TTLL12: variants seen among roughly 807,000 people sequenced by gnomAD.
The protein encoded by TTLL12 is tubulin tyrosine ligase like 12.
Under a neutral mutation model 79.6 loss-of-function variants are expected in TTLL12, and 77 were observed. That is an observed-to-expected ratio of 0.97 (90% CI 0.81 to 1.17). The LOEUF (loss-of-function observed/expected upper bound fraction) is 1.17. Among genes scored for constraint, TTLL12 ranks in the 50% most tolerant of loss-of-function variants. The probability of loss-of-function intolerance (pLI) is 0.00; values close to 1 mark genes in which losing one functional copy is unlikely to be tolerated. For missense variants in TTLL12, 969 were observed against 895.9 expected (o/e 1.08, Z -1.04); for synonymous variants, 437 against 376.1 (o/e 1.16, Z -1.87).
intron 9 of TTLL12, among the ~76,000 whole-genome samples, chr22:43,173,352 C>T (rs1931814053): frequency 6.6e-6 from 1 of 152,150 alleles, no homozygotes; most frequent in Non-Finnish European, 1.5e-5. Flanking sequence ...GCTCTGTCGC[C>T]CAGGGCGGAG....
chr22:43,178,211 C>CA (rs1931962041), intron 5 of TTLL12, among the ~76,000 whole-genome samples: 1 of 152,124 alleles, frequency 6.6e-6, no homozygotes, highest in Non-Finnish European at 1.5e-5. Flanking sequence ...ATGGTTGGTT[C>CA]AATCACCACT....
intron 8 of TTLL12, 126 bp downstream of exon 8, chr22:43,174,083 G>C: frequency 7.6e-7 from 1 of 1,309,496 alleles, no homozygotes; most frequent in Non-Finnish European, 1.0e-6. Context: ...CGTGACGTTC[G>C]GGGCCCACAG....
intron 11 of TTLL12, 98 bp downstream of exon 11, chr22:43,171,721 C>T (rs569577013): frequency 1.0e-6 from 1 of 984,320 alleles, no homozygotes; most frequent in Non-Finnish European, 1.6e-6. Flanking sequence ...TGGGACTGGC[C>T]TGTGTGCCAG....
intron 8 of TTLL12, 98 bp downstream of exon 8, chr22:43,174,111 G>A (rs1427167796): frequency 1.7e-5 from 24 of 1,452,638 alleles, no homozygotes; most frequent in East Asian, 1.4e-4. Context: ...CCTGCACCAC[G>A]GTTTCCACAG....
chr22:43,176,391 A>T lies in TTLL12; in HGVS notation c.846T>A (p.Ile282=), dbSNP rs1315519490. 6.2e-7 allele frequency: 1 copy of T among 1,604,886 alleles called. No homozygotes were observed. Among genetic ancestry groups the T allele is most frequent in the Non-Finnish European group, 8.5e-7 (1 of 1,176,802 alleles). ...GCAGCTTCTCCTTGTTTTCCTCCAG[A>T]ATGGCCTAAAAGGAAACACACCGGA... ...PEPPAEHYQA[I]LEENKEKLPL... Residue 282 remains isoleucine (I), a synonymous_variant, in exon 6 of 14, where the codon ATT becomes ATA. Transcript: ENST00000216129.
chr22:43,177,232 G>C (rs1268511061), intron 5 of TTLL12, among the ~76,000 whole-genome samples: 1 of 151,912 alleles, frequency 6.6e-6, no homozygotes, highest in Non-Finnish European at 1.5e-5. Context: ...AGCGGGGCTT[G>C]GTAGCAGTTG....
intron 10 of TTLL12, 151 bp from the exon 11 acceptor site, chr22:43,172,051 T>C: frequency 1.4e-6 from 1 of 705,246 alleles, no homozygotes; most frequent in South Asian, 1.7e-5. Context: ...CTTGTCTGTG[T>C]GGCTGGGGGA....
rs1406266280 is a variant in TTLL12 at position 43,167,881 on chromosome 22, AGAGGCCTGGGGCT to A, written c.*114_*126del. ...CGCCGGGAGGATGGCTCGGCAGGAC[AGAGGCCTGGGGCT>A]GAGGCTATGCCCAGGGCCGGTGTGG... On this transcript the variant is annotated 3_prime_UTR_variant, in exon 14 of 14. Coordinates refer to ENST00000216129, the MANE Select transcript of TTLL12 (RefSeq NM_015140.4). The A allele has an allele frequency of 8.0e-7, 1 of 1,251,008 alleles. No individual in the cohort carries two copies. The highest frequency in any genetic ancestry group is 2.4e-5 in the East Asian group (1 of 42,412). 77.5% of individuals were successfully genotyped at this position (1,251,008 alleles called of 1,614,324 possible).
At chr22:43,169,394 G>T in intron 12 of TTLL12, 106 bp downstream of exon 12, 1 of 994,152 alleles carries the variant, frequency 1.0e-6, no homozygotes, top group East Asian at 2.6e-5. Context: ...GGGGACAAAG[G>T]TCCCTCCCAG....
Position 43,174,234 on chromosome 22 carries a change from T to A in TTLL12, c.1204A>T (p.Ser402Cys), listed in dbSNP as rs112400406. ...CACCTTTCCCGCTGCTGGAAGTAGC[T>A]GACAAACTGGGGCAGCTCAGTGCGC... The part of the protein sequence containing the change: ...NLRTELPQFV[S>C]YFQQRERWGE... Residue 402 changes from serine to cysteine, a missense_variant, in exon 8 of 14, where the codon AGC (serine) becomes TGC (cysteine). Physicochemically the swap from Ser to Cys is moderately radical, Grantham distance 112. Coordinates refer to ENST00000216129, the MANE Select transcript of TTLL12 (RefSeq NM_015140.4). 10 of 1,605,926 alleles carry A rather than the reference T, an allele frequency of 6.2e-6. No individual in the cohort carries two copies. The highest frequency in any genetic ancestry group is 5.3e-5 in the African/African-American group (4 of 75,038).
rs753447234 is a variant in TTLL12, at chr22:43,175,839, A to ATT, written c.917+479_917+480dup. Among the ~76,000 whole-genome samples, 167 of 128,370 alleles carry ATT rather than the reference A, an allele frequency of 1.3e-3. 1 individual carries two copies. Among genetic ancestry groups the ATT allele is most frequent in the East Asian group, 4.5e-3 (19 of 4,210 alleles). The allele number at this position is 128,370 out of a possible 152,430, so 84.2% of individuals were successfully genotyped here. A position where few individuals can be genotyped will look rare whatever the true frequency, so the allele number is the denominator to read the frequency against. On this transcript the variant is annotated intron_variant, in intron 6 of 13. Transcript: ENST00000216129. ...AGGCGCCAGCCACCATGCCCTACTA[A>ATT]TTTTTTTTTTTTTTTTTTTTGTATT...
chr22:43,178,446 C>A (rs990479489), intron 5 of TTLL12, among the ~76,000 whole-genome samples: 1 of 152,078 alleles, frequency 6.6e-6, no homozygotes, highest in South Asian at 2.1e-4. Context: ...CTCAGCCTCC[C>A]GAGTAGCTGG....
At chr22:43,169,773 G>A (rs1460571463) in intron 11 of TTLL12, 4 of 658,848 alleles carry the variant, frequency 6.1e-6, no homozygotes, top group Non-Finnish European at 1.1e-5. Context: ...CTGGACCAAC[G>A]GATTAACTTC....
At position 43,187,102 on chromosome 22, in the gene TTLL12, C is replaced by A; in HGVS notation, c.-33G>T. 9.1e-7 allele frequency: 1 copy of A among 1,094,790 alleles called. No homozygotes were observed. The highest frequency in any genetic ancestry group is 1.1e-6 in the Non-Finnish European group (1 of 903,080). The allele number at this position is 1,094,790 out of a possible 1,614,324, so 67.8% of individuals were successfully genotyped here. On this transcript the variant is annotated 5_prime_UTR_variant, in exon 1 of 14. Coordinates refer to ENST00000216129, the MANE Select transcript of TTLL12 (RefSeq NM_015140.4). Reference sequence around the variant, plus strand: ...GCACCCGCGCCGACTCCAGCGCCGCCACCGCCGCCGCCGCCCGCCGTCCGT... The same window carrying A: ...GCACCCGCGCCGACTCCAGCGCCGCAACCGCCGCCGCCGCCCGCCGTCCGT...
chr22:43,176,505 G>A (rs932158248), intron 5 of TTLL12, 109 bp from the exon 6 acceptor site: 8 of 864,118 alleles, frequency 9.3e-6, no homozygotes, highest in Middle Eastern at 2.2e-4. Context: ...TGAGGCAGGT[G>A]GATCACGTGA....
intron 1 of TTLL12, among the ~76,000 whole-genome samples, 174 bp from the exon 2 acceptor site, chr22:43,183,323 C>A (rs1371581283): frequency 6.6e-6 from 1 of 152,198 alleles, no homozygotes; most frequent in Non-Finnish European, 1.5e-5. Flanking sequence ...GGCGGGGAGA[C>A]TGAAGCTCCT....
intron 9 of TTLL12, 57 bp from the exon 10 acceptor site, chr22:43,172,611 C>T: frequency 8.1e-6 from 13 of 1,603,442 alleles, no homozygotes; most frequent in South Asian, 1.1e-5. Context: ...CTGGGGCTCC[C>T]GAGCACACAA....
intron 11 of TTLL12, chr22:43,170,026 T>C: frequency 2.7e-6 from 1 of 372,582 alleles, no homozygotes; most frequent in Non-Finnish European, 5.3e-6. Context: ...GCTTGAGGGA[T>C]GCAAGATCTT....
At chr22:43,171,539 T>A (rs2071728) in intron 11 of TTLL12, 62,836 of 328,666 alleles carry the variant, frequency 0.19, 6,774 homozygotes, top group South Asian at 0.29. Flanking sequence ...GGGAACACAC[T>A]GTCTCAACCT....
Sources: allele counts gnomAD v4.1 joint callset (sites outside exome capture counted in the v4.1 genomes callset), GRCh38; gene constraint gnomAD v4.1.1; transcripts MANE v1.5; gene names NCBI Gene and HGNC (gene_info 2026-07-23, HGNC 2026-07-21).